RAP1GDS1: variants seen among roughly 807,000 people sequenced by gnomAD.
RAP1GDS1 encodes the protein Rap1 GTPase-GDP dissociation stimulator 1, also known as RAP1, GTP-GDP dissociation stimulator 1.
Under a neutral mutation model 71.1 loss-of-function variants are expected in RAP1GDS1, and 35 were observed. That is an observed-to-expected ratio of 0.49 (90% CI 0.38 to 0.65). The LOEUF (loss-of-function observed/expected upper bound fraction) is 0.65, where lower values mean the gene tolerates loss of function less well. RAP1GDS1 is among the 30% of genes least tolerant of loss of function. The pLI is 0.00. For synonymous variants in RAP1GDS1, 229 were observed against 243.1 expected, an observed-to-expected ratio of 0.94 and a Z score of 0.54; for missense variants, 663 against 706.1, an observed-to-expected ratio of 0.94 and a Z score of 0.69.
At chr4:98,320,270 T>A (rs1427146278) in intron 2 of RAP1GDS1, among the ~76,000 whole-genome samples, 2 of 152,208 alleles carry the variant, frequency 1.3e-5, no homozygotes, top group Non-Finnish European at 2.9e-5. Flanking sequence ...CCAACACATA[T>A]ACTTACTCAT....
Position 98,416,408 on chromosome 4 carries a change from G to A in RAP1GDS1, c.764-337G>A, listed in dbSNP as rs546511766. On this transcript the variant is annotated intron_variant, in intron 7 of 14. Coordinates refer to ENST00000408927, the MANE Select transcript of RAP1GDS1 (RefSeq NM_001100427.2). ...ATTGCCCAGGCTGGAGTGCAGTGTT[G>A]CAATCTTGGCTCACTGCAAGTTCCG... is the stretch of plus-strand genomic sequence containing the variant. Among the ~76,000 whole-genome samples, 10 of 117,342 alleles carry A rather than the reference G, an allele frequency of 8.5e-5. No individual in the cohort carries two copies. The East Asian group carries it at 2.8e-3, about 32-fold the overall frequency. The allele number at this position is 117,342 out of a possible 152,430, so 77.0% of individuals were successfully genotyped here.
At chr4:98,319,927 C>T (rs75349015) in intron 2 of RAP1GDS1, among the ~76,000 whole-genome samples, 6,957 of 152,128 alleles carry the variant, frequency 0.046, 391 homozygotes, top group African/African-American at 0.13. Flanking sequence ...ACCTCTGAGG[C>T]GGCAAGACCA....
chr4:98,274,462 TGATAAATTG>T (rs538036280), intron 1 of RAP1GDS1, among the ~76,000 whole-genome samples: 9 of 152,298 alleles, frequency 5.9e-5, no homozygotes, highest in African/African-American at 1.9e-4. Context: ...CAATGATACA[TGATAAATTG>T]TTTTCCCTAT....
At chr4:98,370,861 G>A (rs926027948) in intron 4 of RAP1GDS1, among the ~76,000 whole-genome samples, 3 of 152,026 alleles carry the variant, frequency 2.0e-5, no homozygotes, top group East Asian at 1.9e-4. Context: ...GTGAGCCATC[G>A]CGCCCAGCTG....
intron 6 of RAP1GDS1, among the ~76,000 whole-genome samples, chr4:98,401,775 A>G (rs912720947): frequency 2.0e-5 from 3 of 152,170 alleles, no homozygotes; most frequent in South Asian, 2.1e-4. Context: ...TATAATTCCT[A>G]TATTAATAAT....
chr4:98,280,705 A>G (rs1162142462), intron 1 of RAP1GDS1, among the ~76,000 whole-genome samples: 1 of 151,874 alleles, frequency 6.6e-6, no homozygotes, highest in Non-Finnish European at 1.5e-5. Flanking sequence ...CCTGAATGGT[A>G]TTGTCTCGGT....
At position 98,400,822 on chromosome 4, in the gene RAP1GDS1, T is replaced by C. The variant is rs143447847; in HGVS notation, c.638-3655T>C. Among the ~76,000 whole-genome samples the C allele has an allele frequency of 8.1e-3, 1,229 of 152,294 alleles. 11 individuals carry two copies. Among genetic ancestry groups the C allele is most frequent in the Non-Finnish European group, 0.013 (893 of 68,012 alleles). On this transcript the variant is annotated intron_variant, in intron 6 of 14. Coordinates refer to ENST00000408927, the MANE Select transcript of RAP1GDS1 (RefSeq NM_001100427.2). ...ATGTAACACCACAGTGTACCCCATA[T>C]ACAATTATTATTTGTCAAATAATTA...
chr4:98,296,363 C>G (rs1466203984), intron 2 of RAP1GDS1, among the ~76,000 whole-genome samples: 3 of 151,998 alleles, frequency 2.0e-5, no homozygotes, highest in Non-Finnish European at 4.4e-5. Flanking sequence ...AGAATTTTTA[C>G]TTTGATGTAT....
At chr4:98,339,626 C>T (rs1016276246) in intron 2 of RAP1GDS1, among the ~76,000 whole-genome samples, 2 of 151,874 alleles carry the variant, frequency 1.3e-5, no homozygotes, top group Admixed American at 6.6e-5. Context: ...CCCCTGACTA[C>T]TCCTTAGTGC....
intron 1 of RAP1GDS1, among the ~76,000 whole-genome samples, chr4:98,267,063 T>C (rs1722796281): frequency 6.6e-6 from 1 of 152,234 alleles, no homozygotes; most frequent in African/African-American, 2.4e-5. Context: ...GCCAAATGTT[T>C]GGATAACTGA....
intron 1 of RAP1GDS1, among the ~76,000 whole-genome samples, chr4:98,272,330 G>A (rs1723590732): frequency 6.6e-6 from 1 of 152,110 alleles, no homozygotes; most frequent in South Asian, 2.1e-4. Flanking sequence ...CCATGCTTCG[G>A]GATTTATCAA....
chr4:98,321,357 A>C lies in RAP1GDS1; in HGVS notation c.113-21782A>C, dbSNP rs1313849118. ...GTTGGAAAACACTCTGCAGGATATT[A>C]TCCAGGAGAACTTCCCCAATCTAGC... On this transcript the variant is annotated intron_variant, in intron 2 of 14. Coordinates refer to ENST00000408927, the MANE Select transcript of RAP1GDS1 (RefSeq NM_001100427.2). Among the ~76,000 whole-genome samples the C allele has an allele frequency of 6.8e-5, 10 of 146,634 alleles. No individual in the cohort carries two copies. In the East Asian group the frequency reaches 2.1e-3, roughly 30 times the overall value.
chr4:98,297,284 G>A (rs1727921624), intron 2 of RAP1GDS1, among the ~76,000 whole-genome samples: 1 of 152,032 alleles, frequency 6.6e-6, no homozygotes. Flanking sequence ...TTGTTGTATT[G>A]ATTTTTGGCT....
chr4:98,411,060 ACTCTTT>A (rs1746993077), intron 7 of RAP1GDS1, among the ~76,000 whole-genome samples: 1 of 152,100 alleles, frequency 6.6e-6, no homozygotes, highest in Non-Finnish European at 1.5e-5. Context: ...GTTTTCTTTC[ACTCTTT>A]AAAAAAAGTT....
intron 2 of RAP1GDS1, among the ~76,000 whole-genome samples, chr4:98,325,573 C>T (rs1032224666): frequency 6.7e-6 from 1 of 150,096 alleles, no homozygotes; most frequent in African/African-American, 2.5e-5. Flanking sequence ...ACATATACAC[C>T]ATGGAATACT....
At chr4:98,358,750 T>C (rs1308284152) in intron 4 of RAP1GDS1, among the ~76,000 whole-genome samples, 1 of 152,050 alleles carries the variant, frequency 6.6e-6, no homozygotes, top group African/African-American at 2.4e-5. Flanking sequence ...CATACACTAA[T>C]GCATGTAAAA....
intron 2 of RAP1GDS1, among the ~76,000 whole-genome samples, chr4:98,299,596 C>A (rs1728274931): frequency 6.6e-6 from 1 of 150,420 alleles, no homozygotes; most frequent in South Asian, 2.1e-4. Flanking sequence ...GGAGTCACTT[C>A]TTATAGATGA....
intron 5 of RAP1GDS1, among the ~76,000 whole-genome samples, chr4:98,381,324 C>T (rs975431327): frequency 2.6e-5 from 4 of 151,606 alleles, no homozygotes; most frequent in African/African-American, 9.7e-5. Flanking sequence ...CATCTTTCCT[C>T]TACTTCCTTT....
At chr4:98,352,320 T>C (rs903315463) in intron 3 of RAP1GDS1, among the ~76,000 whole-genome samples, 156 bp from the exon 4 acceptor site, 1 of 152,164 alleles carries the variant, frequency 6.6e-6, no homozygotes, top group Non-Finnish European at 1.5e-5. Context: ...ACAGGGTACT[T>C]TTGTACAGAA....
Sources: allele counts gnomAD v4.1 joint callset (sites outside exome capture counted in the v4.1 genomes callset), GRCh38; gene constraint gnomAD v4.1.1; transcripts MANE v1.5; gene names NCBI Gene and HGNC (gene_info 2026-07-23, HGNC 2026-07-21).